Variants in GPR158 observed in about 807,000 individuals in gnomAD.
GPR158 encodes G protein-coupled receptor 158, also known as metabotropic glycine receptor.
Under a neutral mutation model 78.2 loss-of-function variants are expected in GPR158, and 30 were observed. The ratio of observed to expected loss-of-function variants is 0.38; its 90% CI spans 0.29 to 0.52. The LOEUF is 0.52. GPR158 is among the 20% of genes least tolerant of loss of function. The probability of loss-of-function intolerance (pLI) is 0.83; values close to 1 mark genes in which losing one functional copy is unlikely to be tolerated. For missense variants in GPR158, 1,463 were observed against 1,523.5 expected (o/e 0.96, Z 0.66); for synonymous variants, 581 against 591.1 (o/e 0.98, Z 0.25).
intron 5 of GPR158, among the ~76,000 whole-genome samples, chr10:25,535,487 C>T (rs923778696): frequency 2.0e-5 from 3 of 152,184 alleles, no homozygotes; most frequent in Non-Finnish European, 4.4e-5. Context: ...ACAACAGCAG[C>T]ATGGGCTTGG....
chr10:25,347,275 T>C (rs536378412), intron 2 of GPR158, among the ~76,000 whole-genome samples: 1 of 152,096 alleles, frequency 6.6e-6, no homozygotes, highest in African/African-American at 2.4e-5. Context: ...AGCCAGCAAG[T>C]GTCATCTCTC....
At chr10:25,366,023 A>C (rs1235500477) in intron 2 of GPR158, among the ~76,000 whole-genome samples, 1 of 151,770 alleles carries the variant, frequency 6.6e-6, no homozygotes, top group Non-Finnish European at 1.5e-5. Context: ...GAGTGATTAA[A>C]AGATACATCC....
chr10:25,200,856 G>GT (rs764033840), intron 1 of GPR158, among the ~76,000 whole-genome samples: 28 of 115,424 alleles, frequency 2.4e-4, no homozygotes, highest in Non-Finnish European at 3.4e-4. Flanking sequence ...CTATGTATCT[G>GT]TTTTTTGTTT....
intron 4 of GPR158, among the ~76,000 whole-genome samples, chr10:25,416,937 C>A (rs1343847608): frequency 6.6e-6 from 1 of 151,962 alleles, no homozygotes; most frequent in Non-Finnish European, 1.5e-5. Flanking sequence ...GTTAAGATAT[C>A]AAATGGATTC....
At chr10:25,368,670 T>G (rs886936068) in intron 2 of GPR158, among the ~76,000 whole-genome samples, 1 of 151,862 alleles carries the variant, frequency 6.6e-6, no homozygotes, top group African/African-American at 2.4e-5. Flanking sequence ...TGGAAAGCAG[T>G]GTGGTGATTC....
intron 5 of GPR158, among the ~76,000 whole-genome samples, chr10:25,495,320 C>T (rs1343321663): frequency 9.9e-5 from 4 of 40,600 alleles, no homozygotes; most frequent in Admixed American, 3.6e-4. Context: ...TTTTTTGAGA[C>T]GGAGTCTTGC....
chr10:25,296,144 C>T (rs78355570), intron 2 of GPR158, among the ~76,000 whole-genome samples: 1 of 151,440 alleles, frequency 6.6e-6, no homozygotes, highest in Admixed American at 6.6e-5. Context: ...ACACAAATAA[C>T]GTCAGAGACT....
chr10:25,371,054 A>G (rs1184047309), intron 2 of GPR158, among the ~76,000 whole-genome samples: 1 of 147,796 alleles, frequency 6.8e-6, no homozygotes, highest in African/African-American at 2.5e-5. Flanking sequence ...TTTTGAGCCT[A>G]TGTGTGTCTC....
intron 2 of GPR158, among the ~76,000 whole-genome samples, chr10:25,225,422 A>C (rs1274108473): frequency 2.0e-5 from 3 of 152,126 alleles, no homozygotes; most frequent in Non-Finnish European, 4.4e-5. Context: ...CCCAGTGACC[A>C]GTGTCAATGT....
chr10:25,200,086 G>A (rs917860786), intron 1 of GPR158, among the ~76,000 whole-genome samples: 4 of 152,052 alleles, frequency 2.6e-5, no homozygotes, highest in East Asian at 1.9e-4. Context: ...TTGAGAAATC[G>A]CCATGCTGCT....
At chr10:25,273,011 C>T (rs1281012165) in intron 2 of GPR158, among the ~76,000 whole-genome samples, 2 of 152,162 alleles carry the variant, frequency 1.3e-5, no homozygotes, top group African/African-American at 2.4e-5. Flanking sequence ...CTGTATCTTA[C>T]CAAAAGTCAC....
Position 25,337,466 on chromosome 10 carries a change from A to G in GPR158, c.1009-58445A>G, listed in dbSNP as rs527363138. On this transcript the variant is annotated intron_variant, in intron 2 of 10. Coordinates refer to ENST00000376351, the MANE Select transcript of GPR158 (RefSeq NM_020752.3). ...AGTTTGAAATATGAGATTCATGTAT[A>G]TCTTGCGTAGCAATAGTAGTTTATT... Among the ~76,000 whole-genome samples, 3 of 152,206 alleles carry G rather than the reference A, an allele frequency of 2.0e-5. No homozygotes were observed. The South Asian group carries it at 6.2e-4, about 32-fold the overall frequency.
chr10:25,547,434 C>A (rs564917926), intron 5 of GPR158, among the ~76,000 whole-genome samples: 1 of 152,258 alleles, frequency 6.6e-6, no homozygotes, highest in East Asian at 1.9e-4. Context: ...CTCCACACTC[C>A]GGAACTTTCC....
intron 8 of GPR158, 171 bp from the exon 9 acceptor site, chr10:25,594,121 A>G: frequency 1.9e-6 from 1 of 532,850 alleles, no homozygotes; most frequent in Non-Finnish European, 3.3e-6. Flanking sequence ...TATGCATCAA[A>G]TTAAGCTTAG....
chr10:25,488,707 G>A (rs1835764951), intron 5 of GPR158, among the ~76,000 whole-genome samples: 1 of 152,034 alleles, frequency 6.6e-6, no homozygotes. Flanking sequence ...AAGTAATTAT[G>A]TAATAGATGT....
chr10:25,400,892 G>C (rs569796811), intron 3 of GPR158, among the ~76,000 whole-genome samples: 2 of 152,088 alleles, frequency 1.3e-5, no homozygotes, highest in Non-Finnish European at 2.9e-5. Context: ...TAGTGCTATT[G>C]ATATGAGAAG....
intron 1 of GPR158, among the ~76,000 whole-genome samples, chr10:25,192,687 C>T (rs560407591): frequency 5.5e-4 from 84 of 151,914 alleles, no homozygotes; most frequent in African/African-American, 2.0e-3. Flanking sequence ...AATGTATTGT[C>T]TCCGATTTAT....
rs377015835 is a variant in GPR158, at chr10:25,499,295, C to T, written c.1404+32576C>T. 6.2e-4 allele frequency among the ~76,000 whole-genome samples: 95 copies of T among 152,242 alleles called. 1 individual carries two copies. The East Asian group carries it at 0.013, about 21-fold the overall frequency. ...AGGACAATTTACCTTTCCTGAAATA[C>T]AGTGCGCTCACAAGCTCCATACCCA... On this transcript the variant is annotated intron_variant, in intron 5 of 10. Transcript: ENST00000376351.
At chr10:25,249,948 CTT>C (rs1853766798) in intron 2 of GPR158, among the ~76,000 whole-genome samples, 1 of 137,684 alleles carries the variant, frequency 7.3e-6, no homozygotes, top group African/African-American at 2.8e-5. Flanking sequence ...GTCCTGGACT[CTT>C]TTTGGTTGGT....
Sources: gnomAD v4.1 joint callset for allele counts (sites outside exome capture counted in the v4.1 genomes callset) on GRCh38, gnomAD v4.1.1 for gene constraint, MANE v1.5 for transcripts, NCBI Gene and HGNC (gene_info 2026-07-23, HGNC 2026-07-21) for gene names.